NCK2: variants seen among roughly 807,000 people sequenced by gnomAD.
NCK2 encodes cytoplasmic protein NCK2.
NCK2 carries 16 observed loss-of-function variants against 33.9 expected under a neutral mutation model. The ratio of observed to expected loss-of-function variants is 0.47; its 90% CI spans 0.32 to 0.72. NCK2 has a LOEUF of 0.72. NCK2 is among the 30% of genes least tolerant of loss of function. The probability of loss-of-function intolerance (pLI) is 0.03; values close to 1 mark genes in which losing one functional copy is unlikely to be tolerated. For synonymous variants in NCK2, 273 were observed against 239.9 expected (o/e 1.14, Z -1.27); for missense variants, 418 against 537.3 (o/e 0.78, Z 2.19).
chr2:105,826,114 C>T (rs764650740), intron 2 of NCK2, among the ~76,000 whole-genome samples: 19 of 152,220 alleles, frequency 1.2e-4, no homozygotes, highest in Non-Finnish European at 2.6e-4. Context: ...AATTTACTCA[C>T]AGTTCAGCAT....
intron 3 of NCK2, among the ~76,000 whole-genome samples, chr2:105,870,362 TC>T (rs1355847441): frequency 1.3e-5 from 2 of 152,218 alleles, no homozygotes; most frequent in Non-Finnish European, 2.9e-5. Context: ...GCATGAGGCT[TC>T]TTCCTCCCTG....
chr2:105,814,081 A>G (rs1675390680), intron 1 of NCK2, among the ~76,000 whole-genome samples: 1 of 152,212 alleles, frequency 6.6e-6, no homozygotes, highest in African/African-American at 2.4e-5. Context: ...TTTTTGCACA[A>G]AAGTGTATAC....
At chr2:105,810,481 T>C (rs916965831) in intron 1 of NCK2, among the ~76,000 whole-genome samples, 1 of 152,240 alleles carries the variant, frequency 6.6e-6, no homozygotes, top group African/African-American at 2.4e-5. Context: ...GTATGCATTT[T>C]AGTGTTTACA....
intron 1 of NCK2, among the ~76,000 whole-genome samples, chr2:105,777,808 A>G (rs529151882): frequency 7.9e-4 from 121 of 152,298 alleles, no homozygotes; most frequent in African/African-American, 2.8e-3. Flanking sequence ...GGAAACAAAC[A>G]CGTGCATCTT....
chr2:105,755,422 C>T (rs1388632736), intron 1 of NCK2, among the ~76,000 whole-genome samples: 3 of 152,096 alleles, frequency 2.0e-5, no homozygotes, highest in Non-Finnish European at 2.9e-5. Context: ...TTGATTGTGC[C>T]GAGCACCTCA....
In NCK2 at chr2:105,881,980, C is replaced by T. The variant is rs1678521636; in HGVS notation, c.879C>T (p.His293=). Residue 293 remains histidine (H), a synonymous_variant, in exon 4 of 5, where the codon CAC becomes CAT. Coordinates refer to ENST00000233154, the MANE Select transcript of NCK2 (RefSeq NM_003581.5). ...GGTACTACGGGAACGTGACGCGGCA[C>T]CAGGCCGAGTGCGCCCTCAACGAGC... ...REWYYGNVTR[H]QAECALNERG... 6.6e-7 allele frequency: 1 copy of T among 1,520,086 alleles called. No individual in the cohort carries two copies. Among genetic ancestry groups the T allele is most frequent in the Non-Finnish European group, 8.8e-7 (1 of 1,134,960 alleles). The allele number at this position is 1,520,086 out of a possible 1,614,324, so 94.2% of individuals were successfully genotyped here.
intron 1 of NCK2, among the ~76,000 whole-genome samples, chr2:105,798,355 A>G (rs184290555): frequency 6.6e-6 from 1 of 152,252 alleles, no homozygotes; most frequent in Non-Finnish European, 1.5e-5. Context: ...AAACTGGGTT[A>G]GCTGAGTCAT....
intron 3 of NCK2, among the ~76,000 whole-genome samples, chr2:105,861,384 C>T (rs562995107): frequency 1.4e-4 from 22 of 152,348 alleles, no homozygotes; most frequent in South Asian, 6.2e-4. Flanking sequence ...CAGGTTCTGA[C>T]CACCTCTCTA....
chr2:105,761,897 G>A (rs1026580872), intron 1 of NCK2, among the ~76,000 whole-genome samples: 4 of 152,268 alleles, frequency 2.6e-5, no homozygotes, highest in African/African-American at 7.2e-5. Flanking sequence ...AGACATGTGC[G>A]CTGACCCTTT....
Position 105,811,124 on chromosome 2 carries a change from G to A in NCK2, c.-200-5306G>A, listed in dbSNP as rs561970865. On this transcript the variant is annotated intron_variant, in intron 1 of 4. Transcript: ENST00000233154. ...TAGGAGGCAGAGGTTGCAGTGAGCC[G>A]AGATTGCACCACTGCACTCCAGCCT... Among the ~76,000 whole-genome samples the A allele has an allele frequency of 6.0e-5, 9 of 148,870 alleles. No individual in the cohort carries two copies. In the East Asian group the frequency reaches 7.9e-4, roughly 13 times the overall value.
rs1467245044 is a variant in NCK2, at chr2:105,892,594, G to A, written c.949-388G>A. Among the ~76,000 whole-genome samples, 3 of 145,260 alleles carry A rather than the reference G, an allele frequency of 2.1e-5. No individual in the cohort carries two copies. The East Asian group carries it at 6.3e-4, about 30-fold the overall frequency. On this transcript the variant is annotated intron_variant, in intron 4 of 4. Transcript: ENST00000233154. ...CTCATGCCTGTAATCCGAGCAATTT[G>A]GAAGGCTGAGGCTGGGAGGGGGGTG...
At chr2:105,793,693 A>G (rs1380957975) in intron 1 of NCK2, among the ~76,000 whole-genome samples, 2 of 152,234 alleles carry the variant, frequency 1.3e-5, no homozygotes, top group African/African-American at 4.8e-5. Flanking sequence ...TGACACCCTC[A>G]TTGCTGCTCA....
intron 1 of NCK2, among the ~76,000 whole-genome samples, chr2:105,789,032 T>C (rs1388658848): frequency 1.3e-5 from 2 of 152,032 alleles, no homozygotes; most frequent in African/African-American, 4.8e-5. Context: ...AATCTCCCCC[T>C]CCTCCCGATG....
chr2:105,771,488 C>T (rs1053424207), intron 1 of NCK2, among the ~76,000 whole-genome samples: 2 of 151,952 alleles, frequency 1.3e-5, no homozygotes, highest in African/African-American at 4.8e-5. Flanking sequence ...ATCACTTGAC[C>T]CGAGAGGTGA....
intron 3 of NCK2, among the ~76,000 whole-genome samples, chr2:105,878,582 C>G (rs982890852): frequency 3.9e-5 from 6 of 152,188 alleles, no homozygotes; most frequent in Non-Finnish European, 2.9e-5. Context: ...GACTTCCAGC[C>G]TCCAGAATTG....
chr2:105,879,268 G>A (rs998828746), intron 3 of NCK2, among the ~76,000 whole-genome samples: 10 of 152,308 alleles, frequency 6.6e-5, no homozygotes, highest in South Asian at 2.1e-4. Flanking sequence ...TAGCCCTCAC[G>A]CCCCGGCTTG....
chr2:105,828,710 C>T lies in NCK2; in HGVS notation c.-17+12097C>T, dbSNP rs551470610. Among the ~76,000 whole-genome samples the T allele has an allele frequency of 6.6e-5, 10 of 152,338 alleles. No individual in the cohort carries two copies. In the South Asian group the frequency reaches 2.1e-3, roughly 32 times the overall value. The stretch of plus-strand genomic sequence containing the variant: ...ATCACCTATGACATCTTGAGCAGGT[C>T]ACCACTTCCCCCTTGGGGCTGCTGT... On this transcript the variant is annotated intron_variant, in intron 2 of 4. Coordinates refer to ENST00000233154, the MANE Select transcript of NCK2 (RefSeq NM_003581.5).
intron 1 of NCK2, among the ~76,000 whole-genome samples, chr2:105,782,118 A>C (rs115281595): frequency 6.6e-6 from 1 of 152,098 alleles, no homozygotes; most frequent in Non-Finnish European, 1.5e-5. Flanking sequence ...TGACTGCGGG[A>C]AGTTGCTTTT....
intron 2 of NCK2, among the ~76,000 whole-genome samples, chr2:105,827,289 G>A (rs12995660): frequency 0.2 from 31,182 of 152,116 alleles, 3,777 homozygotes; most frequent in East Asian, 0.33. Flanking sequence ...GTGAGCCACC[G>A]CGCCTGGCTG....
Sources: allele counts gnomAD v4.1 joint callset (sites outside exome capture counted in the v4.1 genomes callset), GRCh38; gene constraint gnomAD v4.1.1; transcripts MANE v1.5; gene names NCBI Gene and HGNC (gene_info 2026-07-23, HGNC 2026-07-21).